Variants in CAMTA1 observed in about 807,000 individuals in gnomAD.
CAMTA1 encodes the protein calmodulin binding transcription activator 1, also known as calmodulin-binding transcription activator 1.
In CAMTA1, 27 loss-of-function variants were observed where a neutral mutation model predicts 170.9. The ratio of observed to expected loss-of-function variants is 0.16; its 90% CI spans 0.12 to 0.22. The LOEUF is 0.22. CAMTA1 is among the 10% of genes least tolerant of loss of function. CAMTA1 has a pLI of 1.00. For missense variants in CAMTA1, 1,619 were observed against 2,217.2 expected, an observed-to-expected ratio of 0.73 and a Z score of 5.42; for synonymous variants, 833 against 891.5, an observed-to-expected ratio of 0.93 and a Z score of 1.17.
chr1:7,535,276 G>A (rs1251919867), intron 6 of CAMTA1, among the ~76,000 whole-genome samples: 1 of 151,868 alleles, frequency 6.6e-6, no homozygotes, highest in Non-Finnish European at 1.5e-5. Flanking sequence ...CCTCTGGGGC[G>A]ATGCCTGCTG....
chr1:7,506,765 ACT>A (rs2094120773), intron 6 of CAMTA1, among the ~76,000 whole-genome samples: 1 of 151,736 alleles, frequency 6.6e-6, no homozygotes, highest in Non-Finnish European at 1.5e-5. Flanking sequence ...ACATGCTCAC[ACT>A]CAATGCAAAC....
chr1:7,710,125 C>CTCCA (rs1445148193), intron 11 of CAMTA1, among the ~76,000 whole-genome samples: 3 of 152,204 alleles, frequency 2.0e-5, no homozygotes, highest in African/African-American at 7.2e-5. Context: ...AACAGATAGT[C>CTCCA]TCCAGCCAGG....
intron 7 of CAMTA1, among the ~76,000 whole-genome samples, chr1:7,647,771 C>T (rs2095819596): frequency 6.6e-6 from 1 of 152,178 alleles, no homozygotes. Context: ...CAGCCAGAGC[C>T]CATCGAGGAA....
intron 6 of CAMTA1, among the ~76,000 whole-genome samples, chr1:7,587,501 C>G (rs2095321257): frequency 6.6e-6 from 1 of 152,098 alleles, no homozygotes; most frequent in Non-Finnish European, 1.5e-5. Flanking sequence ...AGGTTCTTCC[C>G]TTTTTTCCCA....
At chr1:7,375,855 T>C (rs1484124150) in intron 5 of CAMTA1, among the ~76,000 whole-genome samples, 1 of 152,234 alleles carries the variant, frequency 6.6e-6, no homozygotes, top group African/African-American at 2.4e-5. Flanking sequence ...TAAGTCACCC[T>C]TTGTCAACAG....
chr1:7,571,460 AT>A (rs1422659659), intron 6 of CAMTA1, among the ~76,000 whole-genome samples: 1 of 151,934 alleles, frequency 6.6e-6, no homozygotes, highest in Non-Finnish European at 1.5e-5. Context: ...CCCAATAACT[AT>A]TTTTTTCTGA....
intron 6 of CAMTA1, among the ~76,000 whole-genome samples, chr1:7,606,858 T>C (rs899834400): frequency 2.0e-5 from 3 of 151,880 alleles, no homozygotes; most frequent in African/African-American, 7.3e-5. Flanking sequence ...GGGGAGGAAA[T>C]GGGGAGTGTG....
intron 6 of CAMTA1, among the ~76,000 whole-genome samples, chr1:7,620,152 G>A (rs921435039): frequency 5.9e-5 from 9 of 152,312 alleles, no homozygotes; most frequent in South Asian, 2.1e-4. Flanking sequence ...TGAGTGGAAC[G>A]TGGGGCCACT....
chr1:7,345,714 T>C (rs901468093), intron 5 of CAMTA1, among the ~76,000 whole-genome samples: 2 of 152,156 alleles, frequency 1.3e-5, no homozygotes, highest in Non-Finnish European at 2.9e-5. Flanking sequence ...ATGCCCCAGT[T>C]AACGACATCA....
Position 7,685,841 on chromosome 1 carries a change from GTTCT to G in CAMTA1, c.2914+8113_2914+8116del, listed in dbSNP as rs1286994145. 2.0e-5 allele frequency among the ~76,000 whole-genome samples: 3 copies of G among 152,148 alleles called. No homozygotes were observed. Among genetic ancestry groups the G allele is most frequent in the Admixed American group, 6.5e-5 (1 of 15,272 alleles). On this transcript the variant is annotated intron_variant, in intron 11 of 22. Coordinates refer to ENST00000303635, the MANE Select transcript of CAMTA1 (RefSeq NM_015215.4). This position sits in a 1 kb window ranked among gnomAD's most constrained non-coding sequence, Gnocchi z 5.7. The stretch of plus-strand genomic sequence containing the variant: ...TAGGTCCCAGACAGGACAAATGGCC[GTTCT>G]TTCTGTTTTCCCCAACCTACCTCTC...
intron 6 of CAMTA1, among the ~76,000 whole-genome samples, chr1:7,529,105 C>A (rs145807434): frequency 6.6e-6 from 1 of 152,314 alleles, no homozygotes; most frequent in African/African-American, 2.4e-5. Flanking sequence ...CTGCCCATCC[C>A]ACGGGTCTGT....
intron 1 of CAMTA1, among the ~76,000 whole-genome samples, chr1:6,790,720 CTGATA>C (rs1640856211): frequency 1.3e-5 from 2 of 152,186 alleles, no homozygotes; most frequent in African/African-American, 2.4e-5. Context: ...GGCTAGGCAT[CTGATA>C]TAATTATCAC....
chr1:7,182,030 T>G (rs1424691107), intron 4 of CAMTA1, among the ~76,000 whole-genome samples: 1 of 147,576 alleles, frequency 6.8e-6, no homozygotes, highest in Non-Finnish European at 1.5e-5. Context: ...TAGAATTGAA[T>G]AGAAAGTCTT....
intron 6 of CAMTA1, among the ~76,000 whole-genome samples, chr1:7,621,012 G>C (rs1030015259): frequency 6.6e-6 from 1 of 152,176 alleles, no homozygotes; most frequent in African/African-American, 2.4e-5. Flanking sequence ...GAGAGAAAGA[G>C]AGTGCGAGGG....
chr1:6,881,411 A>C (rs1671540555), intron 3 of CAMTA1, among the ~76,000 whole-genome samples: 1 of 152,138 alleles, frequency 6.6e-6, no homozygotes, highest in Non-Finnish European at 1.5e-5. Flanking sequence ...AGGTGTCTAG[A>C]GTGAGTATTC....
At chr1:6,816,380 T>C (rs1324811655) in intron 1 of CAMTA1, among the ~76,000 whole-genome samples, 1 of 152,212 alleles carries the variant, frequency 6.6e-6, no homozygotes, top group Non-Finnish European at 1.5e-5. Flanking sequence ...TCTTGTTCAG[T>C]GCTGTGTCCC....
At chr1:7,155,752 G>C (rs1396282383) in intron 4 of CAMTA1, among the ~76,000 whole-genome samples, 1 of 152,112 alleles carries the variant, frequency 6.6e-6, no homozygotes, top group Non-Finnish European at 1.5e-5. Context: ...CTTGAGCAAG[G>C]CCGCCCCTCT....
chr1:7,164,509 A>G (rs1200400423), intron 4 of CAMTA1, among the ~76,000 whole-genome samples: 1 of 152,186 alleles, frequency 6.6e-6, no homozygotes, highest in African/African-American at 2.4e-5. Context: ...CTTTATTCCA[A>G]AGCTGTGGCA....
At chr1:7,687,521 G>A (rs371112477) in intron 11 of CAMTA1, among the ~76,000 whole-genome samples, 17 of 152,178 alleles carry the variant, frequency 1.1e-4, no homozygotes, top group Non-Finnish European at 2.5e-4. Context: ...CACAGTGTGG[G>A]GTCAGATGAG....
Sources: gnomAD v4.1 joint callset for allele counts (sites outside exome capture counted in the v4.1 genomes callset) on GRCh38, gnomAD v4.1.1 for gene constraint, Gnocchi (gnomAD v3.1) non-coding constraint, MANE v1.5 for transcripts, NCBI Gene and HGNC (gene_info 2026-07-23, HGNC 2026-07-21) for gene names.